TFB2M: variants seen among roughly 807,000 people sequenced by gnomAD.
TFB2M encodes the protein transcription factor B2, mitochondrial, also known as dimethyladenosine transferase 2, mitochondrial.
In TFB2M, 44 loss-of-function variants were observed where a neutral mutation model predicts 41.3. The observed-to-expected ratio is 1.07, with a 90% confidence interval of 0.84 to 1.37. The LOEUF (loss-of-function observed/expected upper bound fraction) is 1.37. TFB2M is among the 40% of genes most tolerant of loss of function. The probability of loss-of-function intolerance (pLI) is 0.00; values close to 1 mark genes in which losing one functional copy is unlikely to be tolerated. For synonymous variants in TFB2M, 188 were observed against 176.8 expected (o/e 1.06, Z -0.50); for missense variants, 496 against 490.2 (o/e 1.01, Z -0.11).
At chr1:246,559,362 A>G (rs1659398361) in intron 2 of TFB2M, among the ~76,000 whole-genome samples, 1 of 152,206 alleles carries the variant, frequency 6.6e-6, no homozygotes, top group Admixed American at 6.5e-5. Context: ...GAGCACGGCC[A>G]ACATGGTGAA....
rs539245068 is a variant in TFB2M, at chr1:246,566,235, G to T, written c.-97C>A. 3.8e-4 allele frequency: 495 copies of T among 1,296,332 alleles called. 1 individual carries two copies. The African/African-American group carries it at 6.7e-3, about 18-fold the overall frequency. 80.3% of individuals were successfully genotyped at this position (1,296,332 alleles called of 1,614,324 possible). A position where few individuals can be genotyped will look rare whatever the true frequency, so the allele number is the denominator to read the frequency against. Reference sequence around the variant, plus strand: ...CCACGTGGAACATTTTCTGGCGTCCGGGCCAGGTCAAGCGGAAGTAAACAC... The same window carrying T: ...CCACGTGGAACATTTTCTGGCGTCCTGGCCAGGTCAAGCGGAAGTAAACAC... On this transcript the variant is annotated 5_prime_UTR_variant, in exon 1 of 8. Transcript: ENST00000366514.
intron 4 of TFB2M, among the ~76,000 whole-genome samples, chr1:246,553,169 C>T (rs1304502817): frequency 1.3e-5 from 2 of 152,044 alleles, no homozygotes; most frequent in East Asian, 1.9e-4. Context: ...TGCAGTGAGC[C>T]GGGATTGCGC....
chr1:246,559,000 A>G (rs1179687428), intron 2 of TFB2M, among the ~76,000 whole-genome samples: 1 of 152,198 alleles, frequency 6.6e-6, no homozygotes, highest in African/African-American at 2.4e-5. Flanking sequence ...AATTCTATTA[A>G]TATTTATTAA....
At chr1:246,543,294 G>A (rs1658912880) in intron 7 of TFB2M, among the ~76,000 whole-genome samples, 1 of 151,876 alleles carries the variant, frequency 6.6e-6, no homozygotes, top group African/African-American at 2.4e-5. Flanking sequence ...GCGAGACTTT[G>A]AATGACTATG....
At chr1:246,546,983 A>ACACACACACACACACACACT (rs764498048) in intron 6 of TFB2M, among the ~76,000 whole-genome samples, 3 of 127,180 alleles carry the variant, frequency 2.4e-5, no homozygotes, top group African/African-American at 8.9e-5. Context: ...ACACACACAC[A>ACACACACACACACACACACT]TTTTTTTTTT....
intron 4 of TFB2M, among the ~76,000 whole-genome samples, chr1:246,551,788 A>G (rs1659192071): frequency 5.3e-5 from 8 of 152,230 alleles, no homozygotes; most frequent in Admixed American, 5.2e-4. Context: ...CCACATGTGA[A>G]AAGGTCCACG....
rs1244390181 is a variant in TFB2M, at chr1:246,551,205, T to G, written c.795+8A>C. On this transcript the variant is annotated splice_region_variant and intron_variant, in intron 5 of 7. Coordinates refer to ENST00000366514, the MANE Select transcript of TFB2M (RefSeq NM_022366.3). ...AAAAACGTTTTTAAACAGAAGGATT[T>G]TACTCACCATGTGCAGAACCTTAAT... 6.2e-7 allele frequency: 1 copy of G among 1,609,928 alleles called. No individual in the cohort carries two copies. Among genetic ancestry groups the G allele is most frequent in the Admixed American group, 1.7e-5 (1 of 59,926 alleles).
In TFB2M at chr1:246,565,844, G is replaced by A. The variant is rs1200532673; in HGVS notation, c.295C>T (p.Leu99=). 4 of 1,602,202 alleles carry A rather than the reference G, an allele frequency of 2.5e-6. No individual in the cohort carries two copies. The highest frequency in any genetic ancestry group is 2.2e-5 in the East Asian group (1 of 44,518). The change falls in exon 1 of 8, where the codon CTG becomes TTG. Residue 99 remains leucine, a synonymous_variant. Transcript: ENST00000366514. ...GACTCACCTGGATTGCACTCCAGCAGTAGGTGTGGAGGTCTACTTGGTTTT... is the reference window on the plus strand; with the variant it reads ...GACTCACCTGGATTGCACTCCAGCAATAGGTGTGGAGGTCTACTTGGTTTT... The part of the protein sequence containing the change: ...LGKPSRPPHL[L]LECNPGPGIL...
chr1:246,548,492 T>C lies in TFB2M; in HGVS notation c.858+53A>G, dbSNP rs1344311196. ...ACCAAATAGTCCTAAAAAAATAAAA[T>C]AAAAAATACGTCACGTAGGGAGAAA... On this transcript the variant is annotated intron_variant, in intron 6 of 7. Transcript: ENST00000366514. The C allele has an allele frequency of 2.7e-6, 4 of 1,489,174 alleles. No homozygotes were observed. In the African/African-American group the frequency reaches 4.3e-5, roughly 16 times the overall value. The allele number at this position is 1,489,174 out of a possible 1,614,324, so 92.2% of individuals were successfully genotyped here.
At chr1:246,543,311 T>C (rs1658913161) in intron 7 of TFB2M, among the ~76,000 whole-genome samples, 2 of 152,214 alleles carry the variant, frequency 1.3e-5, no homozygotes, top group South Asian at 4.1e-4. Flanking sequence ...TATGGGCTGC[T>C]GATTACAAGG....
At chr1:246,559,856 G>A (rs888050661) in intron 2 of TFB2M, among the ~76,000 whole-genome samples, 1 of 152,210 alleles carries the variant, frequency 6.6e-6, no homozygotes, top group African/African-American at 2.4e-5. Flanking sequence ...GGTAGAGTAT[G>A]TCCAAAGTCT....
At chr1:246,547,770 AT>A (rs34526572) in intron 6 of TFB2M, among the ~76,000 whole-genome samples, 35,181 of 151,650 alleles carry the variant, frequency 0.23, 4,467 homozygotes, top group Middle Eastern at 0.41. Context: ...TAGCTACTTT[AT>A]TAGAATTTCA....
intron 2 of TFB2M, 36 bp downstream of exon 2, chr1:246,564,310 C>G (rs774581718): frequency 1.9e-6 from 3 of 1,582,544 alleles, no homozygotes; most frequent in Admixed American, 3.3e-5. Context: ...GATAGTTGAA[C>G]AAACAATAAC....
In TFB2M at chr1:246,544,590, T is replaced by C. The variant is rs377061432; in HGVS notation, c.950A>G (p.Tyr317Cys). The change falls in exon 7 of 8, where the codon TAT (tyrosine) becomes TGT (cysteine). Residue 317 changes from tyrosine to cysteine, a missense_variant. Physicochemically the swap from Tyr to Cys is radical, Grantham distance 194. Coordinates refer to ENST00000366514, the MANE Select transcript of TFB2M (RefSeq NM_022366.3). ...CTTTAACAAGTGAAAAAATATATTA[T>C]AGTTCATAGGTGTTAAGTTCTTGGT... Reference protein sequence around the residue: ...LFTKNLTPMNYNIFFHLLKHC... With the variant: ...LFTKNLTPMNCNIFFHLLKHC... The C allele has an allele frequency of 1.2e-6, 2 of 1,611,824 alleles. No homozygotes were observed. The highest frequency in any genetic ancestry group is 1.3e-5 in the African/African-American group (1 of 74,780).
intron 5 of TFB2M, among the ~76,000 whole-genome samples, chr1:246,550,064 T>C (rs186976982): frequency 6.6e-6 from 1 of 152,346 alleles, no homozygotes; most frequent in Admixed American, 6.5e-5. Flanking sequence ...TTCTGGAGTT[T>C]AGTAAATGGC....
intron 5 of TFB2M, among the ~76,000 whole-genome samples, chr1:246,550,581 A>G (rs1659147965): frequency 6.6e-6 from 1 of 152,188 alleles, no homozygotes; most frequent in Non-Finnish European, 1.5e-5. Context: ...CACATTGTAA[A>G]TATTTAAAAA....
intron 2 of TFB2M, among the ~76,000 whole-genome samples, chr1:246,561,726 C>T (rs929607717): frequency 1.3e-5 from 2 of 152,206 alleles, no homozygotes; most frequent in Non-Finnish European, 2.9e-5. Context: ...GCCTTGGCCT[C>T]CCAAAGTGCT....
intron 1 of TFB2M, among the ~76,000 whole-genome samples, chr1:246,564,794 C>T (rs1314542171): frequency 1.3e-5 from 2 of 152,082 alleles, no homozygotes; most frequent in African/African-American, 4.8e-5. Context: ...ATTCTCCTGC[C>T]TCAGCCTCCC....
Position 246,549,830 on chromosome 1 carries a change from A to T in TFB2M, c.796-1223T>A, listed in dbSNP as rs77850996. 6.6e-5 allele frequency among the ~76,000 whole-genome samples: 10 copies of T among 152,306 alleles called. No homozygotes were observed. In the East Asian group the frequency reaches 1.9e-3, roughly 29 times the overall value. ...AAATTGTGAAATTCCTAGCAGTTCCAGGAATGTCACTTTAAGTGGGGGAAG... is the reference window on the plus strand; with the variant it reads ...AAATTGTGAAATTCCTAGCAGTTCCTGGAATGTCACTTTAAGTGGGGGAAG... On this transcript the variant is annotated intron_variant, in intron 5 of 7. Transcript: ENST00000366514.
Sources: allele counts gnomAD v4.1 joint callset (sites outside exome capture counted in the v4.1 genomes callset), GRCh38; gene constraint gnomAD v4.1.1; transcripts MANE v1.5; gene names NCBI Gene and HGNC (gene_info 2026-07-23, HGNC 2026-07-21).